The following PKD1L3 variants were observed in gnomAD, a reference collection of about 807,000 sequenced individuals.
PKD1L3 encodes polycystin-1-like protein 3.
A neutral mutation model predicts 184.1 loss-of-function variants in PKD1L3; 239 were observed. The ratio of observed to expected loss-of-function variants is 1.30; its 90% confidence interval spans 1.17 to 1.45. The LOEUF is 1.45. Ranked by LOEUF, PKD1L3 falls within the 40% of genes most tolerant of loss-of-function variation. The pLI is 0.00. For synonymous variants in PKD1L3, 996 were observed against 778.8 expected, an observed-to-expected ratio of 1.28 and a Z score of -4.64; for missense variants, 2,660 against 2,067.2, an observed-to-expected ratio of 1.29 and a Z score of -5.56.
rs1032648048 is a variant in PKD1L3 at position 71,977,346 on chromosome 16, T to G, written c.1649A>C (p.Asp550Ala). ...SLEKSLIVSIDPDSPLLMTLY... is the reference protein window; with the variant it reads ...SLEKSLIVSIAPDSPLLMTLY... ...TGTCATTAAAAGGGGACTGTCAGGA[T>G]CTATGCTCACTATCAAGGATTTCTC... is the stretch of plus-strand genomic sequence containing the variant. The change falls in exon 11 of 30, where the codon GAT becomes GCT. Residue 550 changes from aspartate (D) to alanine (A), a missense_variant. Coordinates refer to ENST00000620267, the MANE Select transcript of PKD1L3 (RefSeq NM_181536.2). 6.5e-7 allele frequency: 1 copy of G among 1,548,280 alleles called. No individual in the cohort carries two copies. The highest frequency in any genetic ancestry group is 8.7e-7 in the Non-Finnish European group (1 of 1,143,884).
intron 6 of PKD1L3, 108 bp downstream of exon 6, chr16:71,983,928 G>T (rs2040261372): frequency 1.4e-6 from 2 of 1,408,786 alleles, no homozygotes; most frequent in East Asian, 2.6e-5. Flanking sequence ...CTTCTAAAGT[G>T]CTGGGATTAC....
In PKD1L3 at chr16:71,952,993, C is replaced by A. The variant is rs760795315; in HGVS notation, c.2910G>T (p.Leu970Phe). The change falls in exon 18 of 30, where the codon TTG becomes TTT. Residue 970 changes from leucine (L) to phenylalanine (F), a missense_variant. Coordinates refer to ENST00000620267, the MANE Select transcript of PKD1L3 (RefSeq NM_181536.2). ...GGGGCAGAGTCTCCTGTGGCTCAATCAACGGGAAGAGCCGCCCTATGACAA... is the reference window on the plus strand; with the variant it reads ...GGGGCAGAGTCTCCTGTGGCTCAATAAACGGGAAGAGCCGCCCTATGACAA... ...INLVIGRLFP[L>F]IEPQETLPLF... 6.5e-7 allele frequency: 1 copy of A among 1,549,574 alleles called. No individual in the cohort carries two copies. The highest frequency in any genetic ancestry group is 1.2e-5 in the South Asian group (1 of 83,544).
chr16:71,932,628 C>T (rs1249270563), intron 28 of PKD1L3, among the ~76,000 whole-genome samples: 3 of 152,010 alleles, frequency 2.0e-5, no homozygotes, highest in Non-Finnish European at 4.4e-5. Context: ...TGTGCACCAC[C>T]ACGCCTGGCT....
At chr16:71,970,614 C>A (rs1808439) in intron 12 of PKD1L3, among the ~76,000 whole-genome samples, 2 of 151,884 alleles carry the variant, frequency 1.3e-5, no homozygotes, top group Non-Finnish European at 2.9e-5. Context: ...TTGAGACCAG[C>A]CTGGACAACA....
intron 2 of PKD1L3, among the ~76,000 whole-genome samples, chr16:71,995,227 C>A (rs1040350861): frequency 2.6e-5 from 4 of 151,782 alleles, no homozygotes; most frequent in Non-Finnish European, 5.9e-5. Context: ...TTATAAGGGC[C>A]CCTAATCCCA....
intron 29 of PKD1L3, 172 bp downstream of exon 29, chr16:71,929,880 T>G: frequency 1.3e-5 from 13 of 995,068 alleles, no homozygotes; most frequent in Non-Finnish European, 1.7e-5. Flanking sequence ...GAATATTATG[T>G]AGTCTTATAA....
At position 71,996,533 on chromosome 16, in the gene PKD1L3, T is replaced by G. The variant is rs186478544; in HGVS notation, c.418+1739A>C. On this transcript the variant is annotated intron_variant, in intron 2 of 29. Coordinates refer to ENST00000620267, the MANE Select transcript of PKD1L3 (RefSeq NM_181536.2). Reference sequence around the variant, plus strand: ...CCTTGGCCTCCCAAAGTGCTGGGATTACAGGCATGAGCCACTGTGCCTGGC... The same window carrying G: ...CCTTGGCCTCCCAAAGTGCTGGGATGACAGGCATGAGCCACTGTGCCTGGC... 2.0e-5 allele frequency among the ~76,000 whole-genome samples: 3 copies of G among 152,298 alleles called. No homozygotes were observed. In the East Asian group the frequency reaches 5.8e-4, roughly 29 times the overall value.
intron 12 of PKD1L3, among the ~76,000 whole-genome samples, chr16:71,972,404 G>A (rs1296631123): frequency 6.6e-6 from 1 of 150,504 alleles, no homozygotes; most frequent in African/African-American, 2.4e-5. Context: ...CCCTCTATAA[G>A]TAATCATCAT....
At chr16:71,976,520 G>A (rs374506791) in intron 11 of PKD1L3, among the ~76,000 whole-genome samples, 3 of 151,888 alleles carry the variant, frequency 2.0e-5, no homozygotes, top group African/African-American at 7.2e-5. Flanking sequence ...GCCTCCCAAA[G>A]TGCTGGGGTT....
chr16:71,932,797 T>C (rs1208270652), intron 28 of PKD1L3, among the ~76,000 whole-genome samples: 1 of 148,794 alleles, frequency 6.7e-6, no homozygotes, highest in African/African-American at 2.5e-5. Context: ...TTTTTTTTTT[T>C]TTTTTTTTAA....
intron 7 of PKD1L3, 153 bp downstream of exon 7, chr16:71,981,906 G>A: frequency 1.2e-6 from 1 of 810,922 alleles, no homozygotes; most frequent in Non-Finnish European, 1.8e-6. Flanking sequence ...TGGGGAGGGA[G>A]ACCTTGGAGA....
In PKD1L3 at chr16:71,935,425, C is replaced by T; in HGVS notation, c.4546G>A (p.Gly1516Arg). The change falls in exon 26 of 30, where the codon GGG (glycine) becomes AGG (arginine). Residue 1516 changes from glycine to arginine, a missense_variant. Transcript: ENST00000620267. ...AGAGAAATACTCTTCATGTCAAGCCCCAGGAGGATGAAGCTAATGAGGATT... is the reference window on the plus strand; with the variant it reads ...AGAGAAATACTCTTCATGTCAAGCCTCAGGAGGATGAAGCTAATGAGGATT... ...SIILISFILL[G>R]LDMKSISLHK... The T allele has an allele frequency of 6.4e-7, 1 of 1,551,976 alleles. No homozygotes were observed. The highest frequency in any genetic ancestry group is 8.7e-7 in the Non-Finnish European group (1 of 1,147,042).
chr16:71,980,770 G>A (rs1253825615), intron 7 of PKD1L3, among the ~76,000 whole-genome samples: 2 of 152,164 alleles, frequency 1.3e-5, no homozygotes, highest in Non-Finnish European at 2.9e-5. Context: ...GGGAGGTGGA[G>A]GTTGCAGAGC....
At chr16:71,960,167 T>TA (rs1286309366) in intron 16 of PKD1L3, among the ~76,000 whole-genome samples, 342 of 134,956 alleles carry the variant, frequency 2.5e-3, no homozygotes, top group South Asian at 6.7e-3. Context: ...CAGAGAACCT[T>TA]AAAAAAAAAA....
At chr16:71,964,671 C>T (rs1309213432) in intron 15 of PKD1L3, among the ~76,000 whole-genome samples, 1 of 151,610 alleles carries the variant, frequency 6.6e-6, no homozygotes, top group Non-Finnish European at 1.5e-5. Flanking sequence ...GTTTATACAC[C>T]AGCACCATCA....
chr16:71,980,173 TCA>T, intron 7 of PKD1L3, 39 bp from the exon 8 acceptor site: 3 of 1,542,340 alleles, frequency 1.9e-6, no homozygotes, highest in Non-Finnish European at 2.6e-6. Flanking sequence ...TTGTAAAACC[TCA>T]GTGTCTTATG....
intron 13 of PKD1L3, among the ~76,000 whole-genome samples, chr16:71,968,232 A>T (rs2039574895): frequency 6.6e-6 from 1 of 152,194 alleles, no homozygotes; most frequent in Admixed American, 6.5e-5. Context: ...TGAAACAGTC[A>T]TAGAATCACC....
intron 2 of PKD1L3, among the ~76,000 whole-genome samples, chr16:71,997,384 C>T (rs972005661): frequency 6.7e-6 from 1 of 149,758 alleles, no homozygotes; most frequent in Non-Finnish European, 1.5e-5. Flanking sequence ...TCCAGGAGTT[C>T]GAGACCAGCC....
intron 5 of PKD1L3, among the ~76,000 whole-genome samples, chr16:71,985,124 T>G (rs1448069244): frequency 6.6e-6 from 1 of 152,216 alleles, no homozygotes; most frequent in Non-Finnish European, 1.5e-5. Flanking sequence ...CTGACATTGC[T>G]AAATCCTCTT....
Sources: allele counts gnomAD v4.1 joint callset (sites outside exome capture counted in the v4.1 genomes callset), GRCh38; gene constraint gnomAD v4.1.1; transcripts MANE v1.5; gene names NCBI Gene and HGNC (gene_info 2026-07-23, HGNC 2026-07-21).